Variants in GAS7 observed in about 807,000 individuals in gnomAD.
GAS7 encodes growth arrest specific 7, also known as growth arrest-specific protein 7.
GAS7 carries 28 observed loss-of-function variants against 71.1 expected under a neutral mutation model. The ratio of observed to expected loss-of-function variants is 0.39; its 90% CI spans 0.29 to 0.54. The LOEUF (loss-of-function observed/expected upper bound fraction) is 0.54, where lower values mean the gene tolerates loss of function less well. GAS7 is among the 20% of genes least tolerant of loss of function. The pLI, the probability that GAS7 is intolerant of heterozygous loss-of-function variation, is 0.62. For missense variants in GAS7, 436 were observed against 627.8 expected (o/e 0.69, Z 3.27); for synonymous variants, 258 against 245.8 (o/e 1.05, Z -0.46).
Position 10,034,312 on chromosome 17 carries a change from A to AT in GAS7, c.184-14416dup. The AT allele has an allele frequency of 3.0e-6, 2 of 668,836 alleles. No individual in the cohort carries two copies. The highest frequency in any genetic ancestry group is 3.7e-6 in the Non-Finnish European group (2 of 547,924). The allele number at this position is 668,836 out of a possible 1,614,324, so 41.4% of individuals were successfully genotyped here. A position where few individuals can be genotyped will look rare whatever the true frequency, so the allele number is the denominator to read the frequency against. ...CATATATATAGCCTAATACTTAATA[A>AT]TTCTTTTTTTTTTTTTTAGACAGTC... On this transcript the variant is annotated intron_variant, in intron 1 of 13. Transcript: ENST00000432992. The surrounding 1 kb of genome is among the most constrained non-coding windows in gnomAD (Gnocchi z 4.4).
intron 2 of GAS7, among the ~76,000 whole-genome samples, chr17:9,988,912 G>A (rs929826888): frequency 6.7e-5 from 10 of 149,380 alleles, no homozygotes; most frequent in African/African-American, 1.2e-4. Flanking sequence ...ACAGTGGCGC[G>A]ATATCAGCTC....
chr17:9,947,022 G>GTC, intron 5 of GAS7, 39 bp from the exon 6 acceptor site: 1 of 1,399,950 alleles, frequency 7.1e-7, no homozygotes, highest in Non-Finnish European at 1.0e-6. Context: ...CCCCGCTGGA[G>GTC]ACTGGAATAG....
chr17:10,144,576 C>T (rs1199313863), intron 1 of GAS7, among the ~76,000 whole-genome samples: 1 of 152,082 alleles, frequency 6.6e-6, no homozygotes. Flanking sequence ...GACAGACATG[C>T]TCTCTCGTCC....
In GAS7 at chr17:9,969,854, T is replaced by C; in HGVS notation, c.386-92A>G. Reference sequence around the variant, plus strand: ...ACTGCAGCCCCTTTTCCCACCTCCTTCCTTGGCTCTGAGAGGTCTTGCGTG... The same window carrying C: ...ACTGCAGCCCCTTTTCCCACCTCCTCCCTTGGCTCTGAGAGGTCTTGCGTG... On this transcript the variant is annotated intron_variant, in intron 3 of 13. Transcript: ENST00000432992. This position sits in a 1 kb window ranked among gnomAD's most constrained non-coding sequence, Gnocchi z 5.5. 2 of 811,776 alleles carry C rather than the reference T, an allele frequency of 2.5e-6. No homozygotes were observed. Among genetic ancestry groups the C allele is most frequent in the Non-Finnish European group, 4.3e-6 (2 of 463,242 alleles). The allele number at this position is 811,776 out of a possible 1,614,324, so 50.3% of individuals were successfully genotyped here. A position where few individuals can be genotyped will look rare whatever the true frequency, so the allele number is the denominator to read the frequency against.
chr17:10,192,002 A>C lies in GAS7; in HGVS notation c.183+6206T>G, dbSNP rs985954714. Among the ~76,000 whole-genome samples, 3 of 152,176 alleles carry C rather than the reference A, an allele frequency of 2.0e-5. 1 individual carries two copies. Among genetic ancestry groups the C allele is most frequent in the Admixed American group, 2.0e-4 (3 of 15,272 alleles). On this transcript the variant is annotated intron_variant, in intron 1 of 13. Transcript: ENST00000432992. ...AAGAGTAGTAGACGGAGAACTAGGA[A>C]GTTAAACTAAAAACAAATTCTTAAA...
chr17:9,945,859 C>A (rs2068767284), intron 6 of GAS7, among the ~76,000 whole-genome samples: 1 of 151,934 alleles, frequency 6.6e-6, no homozygotes, highest in East Asian at 1.9e-4. Context: ...TGGCACACAT[C>A]TGTAGTCCCA....
chr17:10,071,641 A>C (rs1406968884), intron 1 of GAS7, among the ~76,000 whole-genome samples: 1 of 152,048 alleles, frequency 6.6e-6, no homozygotes. Context: ...AAAACAAATA[A>C]AGGCCAGGCG....
At chr17:10,046,781 A>AAGGAAGG (rs2072967999) in intron 1 of GAS7, among the ~76,000 whole-genome samples, 1 of 104,572 alleles carries the variant, frequency 9.6e-6, no homozygotes, top group Non-Finnish European at 1.8e-5. Context: ...AGAAAGAAAG[A>AAGGAAGG]AAGAAAGGAA....
intron 1 of GAS7, among the ~76,000 whole-genome samples, chr17:10,112,534 G>A (rs571500050): frequency 2.6e-5 from 4 of 152,250 alleles, no homozygotes; most frequent in East Asian, 3.9e-4. Context: ...TGAGGAGTTC[G>A]AGACCAGCCT....
intron 9 of GAS7, among the ~76,000 whole-genome samples, chr17:9,930,801 C>T (rs904048869): frequency 1.3e-5 from 2 of 152,234 alleles, no homozygotes; most frequent in African/African-American, 4.8e-5. Flanking sequence ...GAGCCACTTT[C>T]TTCTCAAGGA....
rs562347491 is a variant in GAS7 at position 10,155,180 on chromosome 17, A to G, written c.183+43028T>C. Among the ~76,000 whole-genome samples, 4 of 151,758 alleles carry G rather than the reference A, an allele frequency of 2.6e-5. No homozygotes were observed. The South Asian group carries it at 8.4e-4, about 32-fold the overall frequency. ...CAGGTGCGTACCAACACACCCAGCT[A>G]ATTTTTTGTATTTTAAGTAGAGATG... is the stretch of plus-strand genomic sequence containing the variant. On this transcript the variant is annotated intron_variant, in intron 1 of 13. Coordinates refer to ENST00000432992, the MANE Select transcript of GAS7 (RefSeq NM_201433.2).
chr17:10,170,264 G>A (rs1273409106), intron 1 of GAS7, among the ~76,000 whole-genome samples: 4 of 152,022 alleles, frequency 2.6e-5, no homozygotes, highest in Admixed American at 6.6e-5. Context: ...GACACTCAGG[G>A]TAAATGTCAG....
At chr17:10,047,149 G>C (rs943292769) in intron 1 of GAS7, among the ~76,000 whole-genome samples, 6 of 152,156 alleles carry the variant, frequency 3.9e-5, no homozygotes, top group African/African-American at 1.2e-4. Context: ...AGGAAGTGCA[G>C]GGTAGAACAA....
At chr17:9,955,160 TG>T (rs1354563295) in intron 5 of GAS7, among the ~76,000 whole-genome samples, 3 of 152,204 alleles carry the variant, frequency 2.0e-5, no homozygotes, top group Non-Finnish European at 4.4e-5. Flanking sequence ...CCTAGGTCCC[TG>T]GATCAGAAGG....
intron 1 of GAS7, among the ~76,000 whole-genome samples, chr17:10,197,960 C>T (rs1317130401): frequency 6.6e-6 from 1 of 152,222 alleles, no homozygotes; most frequent in Admixed American, 6.5e-5. Flanking sequence ...AGAGCAGCCA[C>T]GGTGTGCTCC....
intron 7 of GAS7, 86 bp from the exon 8 acceptor site, chr17:9,940,286 G>T: frequency 1.1e-6 from 1 of 948,886 alleles, no homozygotes. Context: ...CTCAGCCGTG[G>T]AAAGGAACCC....
At position 10,057,028 on chromosome 17, in the gene GAS7, G is replaced by A. The variant is rs1190380155; in HGVS notation, c.184-37131C>T. On this transcript the variant is annotated intron_variant, in intron 1 of 13. Transcript: ENST00000432992. ...CCAGGCTGGTCTCCAGCTCCTAACC[G>A]CGAGTGATCTGCCAGCCTCGGCCTC... 3.9e-5 allele frequency among the ~76,000 whole-genome samples: 6 copies of A among 152,202 alleles called. No individual in the cohort carries two copies. The East Asian group carries it at 5.8e-4, about 15-fold the overall frequency.
chr17:10,016,520 TA>T (rs2072009992), intron 2 of GAS7, among the ~76,000 whole-genome samples: 1 of 136,168 alleles, frequency 7.3e-6, no homozygotes, highest in Admixed American at 8.6e-5. Flanking sequence ...CTCATGCCTA[TA>T]ATCTCAGCAC....
In GAS7 at chr17:9,919,966, ATT is replaced by A. The variant is rs1491119117; in HGVS notation, c.1139-263_1139-262del. Among the ~76,000 whole-genome samples, 106 of 94,536 alleles carry A rather than the reference ATT, an allele frequency of 1.1e-3. No homozygotes were observed. The highest frequency in any genetic ancestry group is 4.0e-3 in the African/African-American group (102 of 25,762). 62.0% of individuals were successfully genotyped at this position (94,536 alleles called of 152,430 possible). On this transcript the variant is annotated intron_variant, in intron 11 of 13. Transcript: ENST00000432992. This position sits in a 1 kb window ranked among gnomAD's most constrained non-coding sequence, Gnocchi z 5.0. ...CCAAGGATTCAGGATGGTGGTTCTC[ATT>A]TTGTGTGTGTGTGTGTGTGTGTGTG...
Sources: gnomAD v4.1 joint callset for allele counts (sites outside exome capture counted in the v4.1 genomes callset) on GRCh38, gnomAD v4.1.1 for gene constraint, Gnocchi (gnomAD v3.1) non-coding constraint, MANE v1.5 for transcripts, NCBI Gene and HGNC (gene_info 2026-07-23, HGNC 2026-07-21) for gene names.